Variants in DDO observed in about 807,000 individuals in gnomAD.
DDO encodes D-aspartate oxidase.
In DDO, 16 loss-of-function variants were observed where a neutral mutation model predicts 16.8. That is an observed-to-expected ratio of 0.95 (90% CI 0.65 to 1.45). The LOEUF is 1.45. Among genes scored for constraint, DDO ranks in the 40% most tolerant of loss-of-function variants. The pLI is 0.00. For synonymous variants in DDO, 180 were observed against 167.2 expected, an observed-to-expected ratio of 1.08 and a Z score of -0.59; for missense variants, 429 against 420.3, an observed-to-expected ratio of 1.02 and a Z score of -0.18.
At chr6:110,412,250 T>C (rs1278425618) in intron 2 of DDO, among the ~76,000 whole-genome samples, 1 of 120,960 alleles carries the variant, frequency 8.3e-6, no homozygotes, top group Admixed American at 8.8e-5. Flanking sequence ...CAAGACTCTG[T>C]CTTAAAAAAA....
rs754250737 is a variant in DDO at position 110,408,414 on chromosome 6, C to A, written c.201G>T (p.Trp67Cys). Reference sequence around the variant, plus strand: ...AGAGGTGATTAAAGGTTTCTCTGAACCACTGCTTCTGCGTGTGAATGGGTG... The same window carrying A: ...AGAGGTGATTAAAGGTTTCTCTGAAACACTGCTTCTGCGTGTGAATGGGTG... ...PDTPIHTQKQWFRETFNHLFA... is the reference protein window; with the variant it reads ...PDTPIHTQKQCFRETFNHLFA... Residue 67 changes from tryptophan (W) to cysteine (C), a missense_variant, in exon 3 of 5, where the codon TGG becomes TGT. By Grantham distance (215) the Trp-to-Cys change is radical (BLOSUM62 -2). Coordinates refer to ENST00000368924, the MANE Select transcript of DDO (RefSeq NM_001372108.2). 1.2e-6 allele frequency: 2 copies of A among 1,614,006 alleles called. No individual in the cohort carries two copies. The highest frequency in any genetic ancestry group is 1.1e-5 in the South Asian group (1 of 91,086).
chr6:110,391,460 C>G (rs1157580967), downstream of DDO, among the ~76,000 whole-genome samples: 2 of 151,462 alleles, frequency 1.3e-5, no homozygotes, highest in East Asian at 3.9e-4. Flanking sequence ...AGTAGCTTCC[C>G]GAGTAGCTGA....
intron 4 of DDO, among the ~76,000 whole-genome samples, chr6:110,404,522 G>A (rs1475215335): frequency 2.6e-5 from 4 of 152,140 alleles, no homozygotes; most frequent in Admixed American, 6.5e-5. Flanking sequence ...GAAGGGTAGG[G>A]AATAAGTCAG....
rs1274990749 is a variant in DDO at position 110,404,780 on chromosome 6, T to A, written c.452A>T (p.Glu151Val). ...CECPAYLPWL[E>V]KRIKGSGGWT... Reference sequence around the variant, plus strand: ...AGGGAGCATTTCAACTGACCTTTTCTCCAACCACGGGAGGTAGGCAGGGCA... The same window carrying A: ...AGGGAGCATTTCAACTGACCTTTTCACCAACCACGGGAGGTAGGCAGGGCA... Residue 151 changes from glutamate to valine, a missense_variant, in exon 4 of 5, where the codon GAG (glutamate) becomes GTG (valine). Coordinates refer to ENST00000368924, the MANE Select transcript of DDO (RefSeq NM_001372108.2). The A allele has an allele frequency of 1.9e-6, 3 of 1,613,908 alleles. No individual in the cohort carries two copies. The African/African-American group carries it at 4.0e-5, about 22-fold the overall frequency.
Position 110,392,874 on chromosome 6 carries a change from C to T in DDO, c.927G>A (p.Gly309=). The change falls in exon 5 of 5, where the codon GGG becomes GGA. Residue 309 remains glycine, a synonymous_variant. Transcript: ENST00000368924. Reference sequence around the variant, plus strand: ...CAGTGCCCCAGTGCACTGAGATGCCCCCACTCCCATGGCCATAGTGGTGGA... The same window carrying T: ...CAGTGCCCCAGTGCACTGAGATGCCTCCACTCCCATGGCCATAGTGGTGGA... ...PVVHHYGHGS[G]GISVHWGTAL... 6.2e-7 allele frequency: 1 copy of T among 1,614,158 alleles called. No individual in the cohort carries two copies. Among genetic ancestry groups the T allele is most frequent in the East Asian group, 2.2e-5 (1 of 44,880 alleles).
intron 2 of DDO, 35 bp downstream of exon 2, chr6:110,413,256 C>CT: frequency 6.2e-7 from 1 of 1,602,760 alleles, no homozygotes; most frequent in Non-Finnish European, 8.5e-7. Flanking sequence ...TATCTGACAT[C>CT]TATTGTATCT....
At chr6:110,415,354 G>A in intron 1 of DDO, 113 bp downstream of exon 1, 1 of 1,421,242 alleles carries the variant, frequency 7.0e-7, no homozygotes, top group Non-Finnish European at 9.6e-7. Flanking sequence ...AATGTGGTGT[G>A]TCCTGGCACA....
At position 110,412,608 on chromosome 6, in the gene DDO, C is replaced by T. The variant is rs548833735; in HGVS notation, c.172+683G>A. Among the ~76,000 whole-genome samples, 56 of 152,338 alleles carry T rather than the reference C, an allele frequency of 3.7e-4. 1 individual carries two copies. The highest frequency in any genetic ancestry group is 3.2e-3 in the Admixed American group (49 of 15,306). On this transcript the variant is annotated intron_variant, in intron 2 of 4. Coordinates refer to ENST00000368924, the MANE Select transcript of DDO (RefSeq NM_001372108.2). ...TCGCTTCCTGTCCAGAGTGTTTAAT[C>T]ACAGAGGCGAGAACCTCAGAGGTCC...
Position 110,392,402 on chromosome 6 carries a change from C to G in DDO, c.*373G>C. 2.0e-6 allele frequency: 2 copies of G among 997,382 alleles called. No homozygotes were observed. The highest frequency in any genetic ancestry group is 1.7e-5 in the African/African-American group (1 of 57,860). 61.8% of individuals were successfully genotyped at this position (997,382 alleles called of 1,614,324 possible). ...ACATCAGTTCTAAATAAATTTTACT[C>G]TATAAGAAGTATTTTTAACAAAAAA... On this transcript the variant is annotated 3_prime_UTR_variant, in exon 5 of 5. Coordinates refer to ENST00000368924, the MANE Select transcript of DDO (RefSeq NM_001372108.2).
chr6:110,399,393 G>A (rs1247574799), intron 4 of DDO, among the ~76,000 whole-genome samples: 1 of 152,344 alleles, frequency 6.6e-6, no homozygotes, highest in East Asian at 1.9e-4. Flanking sequence ...TTGTGTGGAA[G>A]AGGCGTAGGT....
intron 3 of DDO, among the ~76,000 whole-genome samples, chr6:110,405,819 A>T (rs1773633344): frequency 2.6e-5 from 4 of 152,138 alleles, no homozygotes; most frequent in African/African-American, 9.7e-5. Flanking sequence ...GGGAGGATCA[A>T]CTGAGCCCAG....
chr6:110,396,092 GATTGCTACTCA>G, intron 4 of DDO, among the ~76,000 whole-genome samples: 1 of 152,302 alleles, frequency 6.6e-6, no homozygotes. Flanking sequence ...AAGAGACCAA[GATTGCTACTCA>G]ATGGCATCTT....
chr6:110,407,727 C>T (rs1773705545), intron 3 of DDO, among the ~76,000 whole-genome samples: 1 of 152,200 alleles, frequency 6.6e-6, no homozygotes, highest in Non-Finnish European at 1.5e-5. Context: ...AAGTGCTCGT[C>T]TTACTAATAG....
chr6:110,404,536 T>A (rs185187797), intron 4 of DDO, among the ~76,000 whole-genome samples: 1 of 152,282 alleles, frequency 6.6e-6, no homozygotes, highest in East Asian at 1.9e-4. Flanking sequence ...AAGTCAGGCA[T>A]CGAAGTGCAC....
downstream of DDO, among the ~76,000 whole-genome samples, chr6:110,389,640 C>A (rs1001048704): frequency 2.6e-5 from 4 of 152,168 alleles, no homozygotes; most frequent in Admixed American, 6.5e-5. Flanking sequence ...AGAAGCAAAG[C>A]ATCCTATATG....
At chr6:110,405,458 A>G (rs1773620871) in intron 3 of DDO, among the ~76,000 whole-genome samples, 1 of 152,234 alleles carries the variant, frequency 6.6e-6, no homozygotes, top group Non-Finnish European at 1.5e-5. Context: ...GGCAAATAAA[A>G]CATCTTAAAA....
chr6:110,415,347 G>T, intron 1 of DDO, 120 bp downstream of exon 1: 1 of 1,309,978 alleles, frequency 7.6e-7, no homozygotes, highest in Non-Finnish European at 1.0e-6. Context: ...AGCGAGCAAT[G>T]TGGTGTGTCC....
intron 2 of DDO, among the ~76,000 whole-genome samples, chr6:110,411,762 T>A (rs1304308999): frequency 1.3e-5 from 2 of 152,010 alleles, no homozygotes. Context: ...GTTTAAACTA[T>A]GGGCATATAT....
At chr6:110,412,725 G>C (rs1207581182) in intron 2 of DDO, among the ~76,000 whole-genome samples, 1 of 152,206 alleles carries the variant, frequency 6.6e-6, no homozygotes, top group Non-Finnish European at 1.5e-5. Context: ...CTGGCCCCTT[G>C]CTGATGCTCA....
Sources: gnomAD v4.1 joint callset for allele counts (sites outside exome capture counted in the v4.1 genomes callset) on GRCh38, gnomAD v4.1.1 for gene constraint, MANE v1.5 for transcripts, NCBI Gene and HGNC (gene_info 2026-07-23, HGNC 2026-07-21) for gene names.